PAX5: variants seen among roughly 807,000 people sequenced by gnomAD.
PAX5 encodes the protein paired box protein Pax-5.
In PAX5, 9 loss-of-function variants were observed where a neutral mutation model predicts 43.7. The ratio of observed to expected loss-of-function variants is 0.21; its 90% CI spans 0.12 to 0.36. The LOEUF is 0.36. Ranked by LOEUF, PAX5 falls within the 10% of genes least tolerant of loss-of-function variation. The probability of loss-of-function intolerance (pLI) is 1.00; values close to 1 mark genes in which losing one functional copy is unlikely to be tolerated. For synonymous variants in PAX5, 228 were observed against 214.3 expected (o/e 1.06, Z -0.56); for missense variants, 383 against 532.7 (o/e 0.72, Z 2.77).
chr9:36,966,835 A>G (rs1391857431), intron 5 of PAX5, 111 bp from the exon 6 acceptor site: 7 of 898,228 alleles, frequency 7.8e-6, no homozygotes, highest in South Asian at 1.6e-5. Flanking sequence ...TCCCTCCCTG[A>G]CCAGAGAATA....
intron 8 of PAX5, among the ~76,000 whole-genome samples, chr9:36,853,780 C>T (rs891983138): frequency 1.1e-4 from 16 of 152,146 alleles, no homozygotes; most frequent in African/African-American, 3.4e-4. Context: ...CCTGGAGATC[C>T]CAGAGGCAGA....
chr9:37,004,259 C>G (rs1159034619), intron 4 of PAX5, among the ~76,000 whole-genome samples: 1 of 152,228 alleles, frequency 6.6e-6, no homozygotes, highest in Non-Finnish European at 1.5e-5. Context: ...ACATTAACTT[C>G]TGGCCCCAGA....
intron 8 of PAX5, 64 bp downstream of exon 8, chr9:36,881,940 G>T: frequency 5.8e-6 from 7 of 1,203,916 alleles, no homozygotes; most frequent in Non-Finnish European, 8.4e-6. Context: ...GTTTGGGGGG[G>T]GATGTCCCCC....
At position 36,871,513 on chromosome 9, in the gene PAX5, C is replaced by T. The variant is rs368955276; in HGVS notation, c.1012+10491G>A. ...TCAGCCACCCAACGCTTAGCCCTTC[C>T]GCAAATGCTTCAGTTTCTTCTAAAG... On this transcript the variant is annotated intron_variant, in intron 8 of 9. Coordinates refer to ENST00000358127, the MANE Select transcript of PAX5 (RefSeq NM_016734.3). 5.3e-5 allele frequency among the ~76,000 whole-genome samples: 8 copies of T among 152,312 alleles called. No individual in the cohort carries two copies. The South Asian group carries it at 6.2e-4, about 12-fold the overall frequency.
rs1043738601 is a variant in PAX5, at chr9:36,837,691, C to T, written c.*2869G>A. On this transcript the variant is annotated 3_prime_UTR_variant, in exon 10 of 10. Coordinates refer to ENST00000358127, the MANE Select transcript of PAX5 (RefSeq NM_016734.3). The stretch of plus-strand genomic sequence containing the variant: ...GTGCATCCATGTGCGCTTGTGCTTC[C>T]GCCTGGCAGCCCAGGAGTCAAGTGG... 23 of 233,228 alleles carry T rather than the reference C, an allele frequency of 9.9e-5. No individual in the cohort carries two copies. Among genetic ancestry groups the T allele is most frequent in the Non-Finnish European group, 1.5e-4 (18 of 118,096 alleles). The allele number at this position is 233,228 out of a possible 1,614,324, so 14.4% of individuals were successfully genotyped here. A position where few individuals can be genotyped will look rare whatever the true frequency, so the allele number is the denominator to read the frequency against.
rs1424417997 is a variant in PAX5, at chr9:36,860,829, G to T, written c.1013-13900C>A. 2.0e-5 allele frequency: 3 copies of T among 152,254 alleles called. No individual in the cohort carries two copies. In the East Asian group the frequency reaches 5.8e-4, roughly 29 times the overall value. 9.4% of individuals were successfully genotyped at this position (152,254 alleles called of 1,614,324 possible). ...GCCGCCACCATGACTCAGTGAGCTT[G>T]ACAGGGCCATTCCATGGAGGGAGCT... On this transcript the variant is annotated intron_variant, in intron 8 of 9. Coordinates refer to ENST00000358127, the MANE Select transcript of PAX5 (RefSeq NM_016734.3).
chr9:36,943,529 T>TTCACACAGACAC (rs35815065), intron 6 of PAX5, among the ~76,000 whole-genome samples: 1 of 145,912 alleles, frequency 6.9e-6, no homozygotes, highest in East Asian at 2.1e-4. Flanking sequence ...TAGTTCAACA[T>TTCACACAGACAC]ACACACACAC....
chr9:37,007,181 C>T (rs908702494), intron 3 of PAX5, among the ~76,000 whole-genome samples: 1 of 152,238 alleles, frequency 6.6e-6, no homozygotes, highest in African/African-American at 2.4e-5. Flanking sequence ...AAAGGATCCA[C>T]AGGGCTGGAG....
chr9:37,019,176 T>C (rs1213502941), intron 2 of PAX5, among the ~76,000 whole-genome samples: 1 of 152,210 alleles, frequency 6.6e-6, no homozygotes, highest in African/African-American at 2.4e-5. Flanking sequence ...TTTCTATTTC[T>C]CTGCCTTTTT....
At chr9:37,030,022 A>G (rs1564096740) in intron 1 of PAX5, among the ~76,000 whole-genome samples, 2 of 152,192 alleles carry the variant, frequency 1.3e-5, no homozygotes, top group Non-Finnish European at 2.9e-5. Context: ...CCGCACACGC[A>G]GGTTTTCCTT....
At chr9:36,919,556 C>T (rs1829972618) in intron 7 of PAX5, among the ~76,000 whole-genome samples, 1 of 152,010 alleles carries the variant, frequency 6.6e-6, no homozygotes, top group Non-Finnish European at 1.5e-5. Context: ...AGAACATTCA[C>T]AATTTGGCTG....
At chr9:36,966,909 C>CA (rs1834492749) in intron 5 of PAX5, among the ~76,000 whole-genome samples, 185 bp from the exon 6 acceptor site, 1 of 152,218 alleles carries the variant, frequency 6.6e-6, no homozygotes, top group Non-Finnish European at 1.5e-5. Flanking sequence ...AGTTCAGAGT[C>CA]AGCCTCCCGC....
chr9:36,939,293 AC>A (rs1490021319), intron 6 of PAX5, among the ~76,000 whole-genome samples: 16 of 151,938 alleles, frequency 1.1e-4, no homozygotes, highest in African/African-American at 1.5e-4. Context: ...ATCCTCAGAG[AC>A]CCTTAAAGCC....
intron 7 of PAX5, among the ~76,000 whole-genome samples, chr9:36,920,856 C>T (rs1319917181): frequency 7.2e-6 from 1 of 139,208 alleles, no homozygotes; most frequent in Non-Finnish European, 1.5e-5. Context: ...TCTTGTGGCC[C>T]AGGCTGGAGT....
chr9:37,006,645 G>T, intron 3 of PAX5, 108 bp from the exon 4 acceptor site: 1 of 873,220 alleles, frequency 1.1e-6, no homozygotes, highest in Non-Finnish European at 1.9e-6. Flanking sequence ...CTGGGCCATG[G>T]TTCGAGCTGA....
intron 5 of PAX5, among the ~76,000 whole-genome samples, chr9:36,984,682 CT>C (rs1362980781): frequency 2.6e-5 from 4 of 152,018 alleles, no homozygotes; most frequent in Admixed American, 6.5e-5. Flanking sequence ...TCTCGAACTC[CT>C]GACCTCAGGT....
In PAX5 at chr9:36,844,013, T is replaced by G. The variant is rs541076165; in HGVS notation, c.1099+2830A>C. ...CCATGCCTACCTCTTTTTGTCCTCC[T>G]GGAGATTCTAGGAGTCCCAAATATC... On this transcript the variant is annotated intron_variant, in intron 9 of 9. Coordinates refer to ENST00000358127, the MANE Select transcript of PAX5 (RefSeq NM_016734.3). Among the ~76,000 whole-genome samples, 41 of 152,354 alleles carry G rather than the reference T, an allele frequency of 2.7e-4. 1 individual carries two copies. The South Asian group carries it at 8.3e-3, about 31-fold the overall frequency.
At chr9:37,016,665 T>G (rs1232013612) in intron 2 of PAX5, among the ~76,000 whole-genome samples, 1 of 152,244 alleles carries the variant, frequency 6.6e-6, no homozygotes, top group Admixed American at 6.5e-5. Flanking sequence ...GGAAATTATC[T>G]TGCAGTTGAA....
At chr9:36,954,055 G>A (rs2132123293) in intron 6 of PAX5, among the ~76,000 whole-genome samples, 1 of 152,286 alleles carries the variant, frequency 6.6e-6, no homozygotes, top group South Asian at 2.1e-4. Context: ...TTGGGTGACA[G>A]AGCAAGACCC....
Sources: gnomAD v4.1 joint callset for allele counts (sites outside exome capture counted in the v4.1 genomes callset) on GRCh38, gnomAD v4.1.1 for gene constraint, MANE v1.5 for transcripts, NCBI Gene and HGNC (gene_info 2026-07-23, HGNC 2026-07-21) for gene names.